Variants in GBP4 observed in about 807,000 individuals in gnomAD.
The protein encoded by GBP4 is guanylate-binding protein 4.
Under a neutral mutation model 62.2 loss-of-function variants are expected in GBP4, and 69 were observed. The observed-to-expected ratio is 1.11, with a 90% CI of 0.91 to 1.36. The LOEUF (loss-of-function observed/expected upper bound fraction) is 1.36. Among genes scored for constraint, GBP4 ranks in the 40% most tolerant of loss-of-function variants. The probability of loss-of-function intolerance (pLI) is 0.00; values close to 1 mark genes in which losing one functional copy is unlikely to be tolerated. For missense variants in GBP4, 697 were observed against 759.3 expected, an observed-to-expected ratio of 0.92 and a Z score of 0.96; for synonymous variants, 278 against 274.6, an observed-to-expected ratio of 1.01 and a Z score of -0.12.
Position 89,184,905 on chromosome 1 carries a change from A to G in GBP4, c.*349T>C, listed in dbSNP as rs1407421220. 4 of 171,652 alleles carry G rather than the reference A, an allele frequency of 2.3e-5. No individual in the cohort carries two copies. Among genetic ancestry groups the G allele is most frequent in the Admixed American group, 6.2e-5 (1 of 16,248 alleles). 10.6% of individuals were successfully genotyped at this position (171,652 alleles called of 1,614,324 possible). On this transcript the variant is annotated 3_prime_UTR_variant, in exon 11 of 11. Transcript: ENST00000355754. The stretch of plus-strand genomic sequence containing the variant: ...GCTGCTCTCTTCTCATTAATCGGCA[A>G]GAGCTAGTCATAACTGAAATTATTT...
chr1:89,187,234 C>A (rs1648060185), intron 8 of GBP4, 132 bp from the exon 9 acceptor site: 3 of 700,498 alleles, frequency 4.3e-6, no homozygotes, highest in Admixed American at 2.6e-5. Flanking sequence ...CCAGTGGTTT[C>A]TTTTCTTCCA....
intron 3 of GBP4, 110 bp downstream of exon 3, chr1:89,195,187 T>C (rs1322712047): frequency 2.7e-6 from 3 of 1,118,572 alleles, no homozygotes; most frequent in Non-Finnish European, 3.8e-6. Context: ...TTTAGCCTCA[T>C]TATTCATAAT....
intron 1 of GBP4, among the ~76,000 whole-genome samples, chr1:89,198,054 G>T (rs1280162469): frequency 6.6e-6 from 1 of 152,074 alleles, no homozygotes; most frequent in Non-Finnish European, 1.5e-5. Flanking sequence ...CAATCCTACA[G>T]AAGTAAAGTA....
Position 89,191,479 on chromosome 1 carries a change from T to C in GBP4, c.698A>G (p.Asn233Ser). The change falls in exon 6 of 11, where the codon AAC becomes AGC. Residue 233 changes from asparagine to serine, a missense_variant. Physicochemically the swap from Asn to Ser is conservative, Grantham distance 46. Coordinates refer to ENST00000355754, the MANE Select transcript of GBP4 (RefSeq NM_052941.5). ...ATGCCTGATACACTCTCTAGGCATG[T>C]TTGAATTTTGAATTTTGGGATTCTT... ...PGKNPKIQNS[N>S]MPRECIRHFF... 6.2e-7 allele frequency: 1 copy of C among 1,612,560 alleles called. No individual in the cohort carries two copies. Among genetic ancestry groups the C allele is most frequent in the South Asian group, 1.1e-5 (1 of 90,872 alleles).
At position 89,193,119 on chromosome 1, in the gene GBP4, A is replaced by G; in HGVS notation, c.474-19T>C. 3 of 1,611,266 alleles carry G rather than the reference A, an allele frequency of 1.9e-6. No homozygotes were observed. The highest frequency in any genetic ancestry group is 2.5e-6 in the Non-Finnish European group (3 of 1,177,688). On this transcript the variant is annotated intron_variant, in intron 4 of 10. Coordinates refer to ENST00000355754, the MANE Select transcript of GBP4 (RefSeq NM_052941.5). ...CACATAGCTGGGATCTCAGCTAAGG[A>G]AGGATAGCACCCTACACCATCATTT...
Position 89,193,072 on chromosome 1 carries a change from T to G in GBP4, c.502A>C (p.Arg168=). Residue 168 remains arginine (R), a synonymous_variant, in exon 5 of 11, where the codon AGG becomes CGG. Transcript: ENST00000355754. ...HYVTELAELI[R]AKSCPRPDEA... ...TCAGGTCTGGGGCAGGATTTTGCCC[T>G]GATTAGCTCTGCTAGCTCAGTCACA... 3.1e-6 allele frequency: 5 copies of G among 1,614,204 alleles called. No individual in the cohort carries two copies. Among genetic ancestry groups the G allele is most frequent in the Non-Finnish European group, 4.2e-6 (5 of 1,180,022 alleles).
chr1:89,192,981 A>G lies in GBP4; in HGVS notation c.593T>C (p.Phe198Ser). ...FPDFIWTVRD[F>S]TLELKLDGNP... ...TCCATCTAACTTTAGCTCCAGGGTA[A>G]AATCCCGAACAGTCCAAATAAAGTC... Residue 198 changes from phenylalanine (F) to serine (S), a missense_variant, in exon 5 of 11, where the codon TTT (phenylalanine) becomes TCT (serine). Coordinates refer to ENST00000355754, the MANE Select transcript of GBP4 (RefSeq NM_052941.5). 6.2e-7 allele frequency: 1 copy of G among 1,614,154 alleles called. No homozygotes were observed. Among genetic ancestry groups the G allele is most frequent in the Non-Finnish European group, 8.5e-7 (1 of 1,180,030 alleles).
chr1:89,192,823 T>C, intron 5 of GBP4, 81 bp downstream of exon 5: 1 of 1,307,758 alleles, frequency 7.6e-7, no homozygotes, highest in Non-Finnish European at 1.1e-6. Context: ...ATGTAAACAT[T>C]TGTGTCAGGT....
Position 89,191,447 on chromosome 1 carries a change from G to A in GBP4, c.730C>T (p.Arg244Ter), listed in dbSNP as rs754754322. ...MPRECIRHFF[R>*]KRKCFVFDRP... ...TCAAAGACAAAGCACTTCCGTTTTC[G>A]GAAGAAATGCCTGATACACTCTCTA... Residue 244 changes from arginine to a stop codon, truncating the protein, a stop_gained, in exon 6 of 11, where the codon CGA becomes TGA. Transcript: ENST00000355754. LOFTEE classifies it high-confidence loss of function. 53 of 1,613,970 alleles carry A rather than the reference G, an allele frequency of 3.3e-5. No individual in the cohort carries two copies. In the Admixed American group the frequency reaches 3.7e-4, roughly 11 times the overall value.
Position 89,184,655 on chromosome 1 carries a change from A to G in GBP4, c.*599T>C, listed in dbSNP as rs929061235. On this transcript the variant is annotated 3_prime_UTR_variant, in exon 11 of 11. Transcript: ENST00000355754. ...TAAATGGGGGCCAAACAAAGAGAAC[A>G]CATGGATACTCAGAGGAGAACAAGA... 1 of 152,256 alleles carries G rather than the reference A, an allele frequency of 6.6e-6. No homozygotes were observed. The highest frequency in any genetic ancestry group is 1.5e-5 in the Non-Finnish European group (1 of 68,070). The allele number at this position is 152,256 out of a possible 1,614,324, so 9.4% of individuals were successfully genotyped here. A position where few individuals can be genotyped will look rare whatever the true frequency, so the allele number is the denominator to read the frequency against.
chr1:89,193,938 A>C (rs925489044), intron 3 of GBP4, among the ~76,000 whole-genome samples: 11 of 152,240 alleles, frequency 7.2e-5, no homozygotes, highest in African/African-American at 2.7e-4. Flanking sequence ...ACCCAAAGTT[A>C]TAAAGTATAA....
chr1:89,190,308 A>C lies in GBP4; in HGVS notation c.927T>G (p.Thr309=). 5.0e-6 allele frequency: 8 copies of C among 1,604,098 alleles called. No homozygotes were observed. The highest frequency in any genetic ancestry group is 6.8e-6 in the Non-Finnish European group (8 of 1,171,796). The change falls in exon 7 of 11, where the codon ACT becomes ACG. Residue 309 remains threonine, a synonymous_variant. Transcript: ENST00000355754. ...GIIVTGKRLG[T]LVVTYVDAIN... ...TGGCATCTACATAAGTCACCACCAG[A>C]GTCCCCAGCCCTGAATCACATATAT...
intron 2 of GBP4, 147 bp downstream of exon 2, chr1:89,196,963 T>A: frequency 1.7e-6 from 1 of 573,732 alleles, no homozygotes. Flanking sequence ...GATATATATT[T>A]GAGATTGTAA....
rs369043674 is a variant in GBP4, at chr1:89,197,887, G to A, written c.41-583C>T. ...TTGTTGTAACCCAGCGAGTTACAGA[G>A]AAACGCCACACTCTGAGACGAATTC... On this transcript the variant is annotated intron_variant, in intron 1 of 10. Transcript: ENST00000355754. Among the ~76,000 whole-genome samples, 5 of 152,212 alleles carry A rather than the reference G, an allele frequency of 3.3e-5. No individual in the cohort carries two copies. In the East Asian group the frequency reaches 5.8e-4, roughly 18 times the overall value.
intron 1 of GBP4, among the ~76,000 whole-genome samples, chr1:89,197,811 C>G (rs987104842): frequency 6.6e-6 from 1 of 152,080 alleles, no homozygotes; most frequent in East Asian, 1.9e-4. Flanking sequence ...AGATTCTCAG[C>G]AACAAGCAAG....
In GBP4 at chr1:89,195,367, A is replaced by G. The variant is rs1465207734; in HGVS notation, c.293T>C (p.Val98Ala). The change falls in exon 3 of 11, where the codon GTG becomes GCG. Residue 98 changes from valine to alanine, a missense_variant. Val to Ala is a moderately conservative substitution (Grantham distance 64). Coordinates refer to ENST00000355754, the MANE Select transcript of GBP4 (RefSeq NM_052941.5). Reference protein sequence around the residue: ...SETKGIWMWCVPHLSKPNHTL... With the variant: ...SETKGIWMWCAPHLSKPNHTL... ...GTGGTTTGGCTTAGAGAGGTGGGGC[A>G]CACACCACATCCAGATGCCCTTAGT... The G allele has an allele frequency of 6.2e-7, 1 of 1,613,944 alleles. No homozygotes were observed. Among genetic ancestry groups the G allele is most frequent in the East Asian group, 2.2e-5 (1 of 44,894 alleles).
In GBP4 at chr1:89,184,118, C is replaced by T. The variant is rs1448830313; in HGVS notation, c.*1136G>A. ...ATTTAAAAAGCATATAAAAATCACT[C>T]ATCATCACTAATCACTACAGAAATG... On this transcript the variant is annotated 3_prime_UTR_variant, in exon 11 of 11. Transcript: ENST00000355754. The T allele has an allele frequency of 6.6e-6, 1 of 152,172 alleles. No homozygotes were observed. The highest frequency in any genetic ancestry group is 1.9e-4 in the East Asian group (1 of 5,198). 9.4% of individuals were successfully genotyped at this position (152,172 alleles called of 1,614,324 possible).
Position 89,183,515 on chromosome 1 carries a change from C to T in GBP4, c.*1739G>A, listed in dbSNP as rs1647947247. The T allele has an allele frequency of 6.6e-6, 1 of 152,180 alleles. No homozygotes were observed. The highest frequency in any genetic ancestry group is 1.5e-5 in the Non-Finnish European group (1 of 68,030). 9.4% of individuals were successfully genotyped at this position (152,180 alleles called of 1,614,324 possible). On this transcript the variant is annotated 3_prime_UTR_variant, in exon 11 of 11. Coordinates refer to ENST00000355754, the MANE Select transcript of GBP4 (RefSeq NM_052941.5). ...GGCTAAAATTTCATGATGAAGATAA[C>T]ATAAGCAATTGCAGCAAAAACAAAA...
chr1:89,190,277 TG>T lies in GBP4; in HGVS notation c.957del (p.Asn319LysfsTer12), dbSNP rs769828427. 6.2e-7 allele frequency: 1 copy of T among 1,613,862 alleles called. No individual in the cohort carries two copies. Among genetic ancestry groups the T allele is most frequent in the Non-Finnish European group, 8.5e-7 (1 of 1,179,766 alleles). On this transcript the variant is annotated frameshift_variant, in exon 7 of 11. Transcript: ENST00000355754. LOFTEE classifies it high-confidence loss of function. ...TTCTCCAGACAAGGTACTGCTCCAC[TG>T]TTGATGGCATCTACATAAGTCACCA... ...TLVVTYVDAI[N>X]SGAVPCLENA...
Sources: gnomAD v4.1 joint callset for allele counts (sites outside exome capture counted in the v4.1 genomes callset) on GRCh38, gnomAD v4.1.1 for gene constraint, MANE v1.5 for transcripts, NCBI Gene and HGNC (gene_info 2026-07-23, HGNC 2026-07-21) for gene names.